Variants in CPVL observed in about 807,000 individuals in gnomAD.
CPVL encodes probable serine carboxypeptidase CPVL.
In CPVL, 51 loss-of-function variants were observed where a neutral mutation model predicts 63.7. The observed-to-expected ratio is 0.80, with a 90% CI of 0.64 to 1.01. CPVL has a LOEUF of 1.01. CPVL is among the 50% of genes least tolerant of loss of function. The pLI, the probability that CPVL is intolerant of heterozygous loss-of-function variation, is 0.00. For missense variants in CPVL, 530 were observed against 573.1 expected, an observed-to-expected ratio of 0.92 and a Z score of 0.77; for synonymous variants, 195 against 206.0, an observed-to-expected ratio of 0.95 and a Z score of 0.46.
intron 12 of CPVL, 130 bp downstream of exon 12, chr7:29,030,447 C>A: frequency 2.4e-6 from 2 of 834,548 alleles, no homozygotes; most frequent in Non-Finnish European, 3.8e-6. Flanking sequence ...GAAAGTAGGG[C>A]CACAGAAGAC....
chr7:29,029,795 G>C (rs1458342875), intron 12 of CPVL, among the ~76,000 whole-genome samples: 1 of 152,134 alleles, frequency 6.6e-6, no homozygotes, highest in Non-Finnish European at 1.5e-5. Context: ...GGCTAGAAGA[G>C]ATTTGAAATG....
chr7:29,087,435 A>G (rs947904093), intron 6 of CPVL, among the ~76,000 whole-genome samples: 11 of 151,816 alleles, frequency 7.2e-5, no homozygotes, highest in Admixed American at 2.0e-4. Flanking sequence ...AAAAAAAAAA[A>G]AAAAAAAAAG....
chr7:29,142,483 C>T (rs245869), intron 1 of CPVL, among the ~76,000 whole-genome samples: 61,941 of 150,204 alleles, frequency 0.41, 12,838 homozygotes, highest in South Asian at 0.5. Context: ...TATAACAGGA[C>T]GTCATCATTC....
chr7:29,183,405 CTTGCTCTG>C (rs1324928205), intron 4 of CPVL, among the ~76,000 whole-genome samples: 3 of 141,632 alleles, frequency 2.1e-5, no homozygotes, highest in Admixed American at 7.2e-5. Flanking sequence ...GAGACAGGGT[CTTGCTCTG>C]TTGCCCAGGC....
intron 2 of CPVL, among the ~76,000 whole-genome samples, chr7:29,115,723 G>C (rs569542079): frequency 1.3e-5 from 2 of 151,450 alleles, no homozygotes; most frequent in South Asian, 4.2e-4. Context: ...TAAATGGGAA[G>C]AAGAGGATTT....
intron 12 of CPVL, among the ~76,000 whole-genome samples, chr7:29,000,111 G>T (rs1382845865): frequency 1.3e-5 from 2 of 152,092 alleles, no homozygotes; most frequent in Non-Finnish European, 2.9e-5. Context: ...GTTCCAGGGG[G>T]TCACAAATGT....
At chr7:29,102,630 T>A (rs565000007) in intron 3 of CPVL, among the ~76,000 whole-genome samples, 56 of 152,212 alleles carry the variant, frequency 3.7e-4, no homozygotes, top group African/African-American at 1.3e-3. Flanking sequence ...GTGAGAAGTC[T>A]CCCTAGCAAC....
chr7:29,088,672 GAAGC>G (rs879427824), intron 6 of CPVL, among the ~76,000 whole-genome samples: 4 of 152,126 alleles, frequency 2.6e-5, no homozygotes, highest in Non-Finnish European at 5.9e-5. Flanking sequence ...ACAAATTTTA[GAAGC>G]AGATCTGCTA....
rs770831396 is a variant in CPVL, at chr7:29,066,063, A to T, written c.923T>A (p.Val308Asp). 14 of 1,609,772 alleles carry T rather than the reference A, an allele frequency of 8.7e-6. No homozygotes were observed. The highest frequency in any genetic ancestry group is 1.3e-5 in the African/African-American group (1 of 74,802). The change falls in exon 10 of 13, where the codon GTT (valine) becomes GAT (aspartate). Residue 308 changes from valine to aspartate, a missense_variant. Val to Asp is a radical substitution (Grantham distance 152). Coordinates refer to ENST00000265394, the MANE Select transcript of CPVL (RefSeq NM_031311.5). ...GTTATAGTAATTACTACATCCTGTA[A>T]CATTCTGGAAGTAAGAAGGATCACT... ...LTSDPSYFQN[V>D]TGCSNYYNFL...
At chr7:29,116,744 T>C (rs1267546325) in intron 2 of CPVL, among the ~76,000 whole-genome samples, 1 of 152,238 alleles carries the variant, frequency 6.6e-6, no homozygotes, top group Non-Finnish European at 1.5e-5. Flanking sequence ...CAAGCTAAAA[T>C]GTGCCTCCTA....
At chr7:29,120,136 C>T (rs942906108) in intron 2 of CPVL, among the ~76,000 whole-genome samples, 1 of 152,170 alleles carries the variant, frequency 6.6e-6, no homozygotes, top group Non-Finnish European at 1.5e-5. Context: ...TAATATTTGA[C>T]ATAGGCTGGG....
At chr7:29,111,270 G>C (rs1268545752) in intron 3 of CPVL, among the ~76,000 whole-genome samples, 1 of 152,214 alleles carries the variant, frequency 6.6e-6, no homozygotes, top group Non-Finnish European at 1.5e-5. Context: ...AAGTTTAAGA[G>C]ACTGGGAAGG....
At chr7:29,007,025 G>A (rs1270976152) in intron 12 of CPVL, among the ~76,000 whole-genome samples, 1 of 152,096 alleles carries the variant, frequency 6.6e-6, no homozygotes, top group Non-Finnish European at 1.5e-5. Flanking sequence ...TTCCCTCTTT[G>A]TTCCTCAAAT....
chr7:29,190,203 A>C (rs1782713441), intron 1 of CPVL, among the ~76,000 whole-genome samples: 1 of 152,244 alleles, frequency 6.6e-6, no homozygotes, highest in Non-Finnish European at 1.5e-5. Context: ...TCACTACAGC[A>C]AAAGAGCATT....
intron 5 of CPVL, among the ~76,000 whole-genome samples, chr7:29,174,599 C>A (rs537036344): frequency 6.6e-6 from 1 of 152,146 alleles, no homozygotes; most frequent in East Asian, 1.9e-4. Context: ...CAGTGACTCA[C>A]GCCTGTAATC....
intron 1 of CPVL, among the ~76,000 whole-genome samples, chr7:29,135,750 G>A (rs1334035838): frequency 6.6e-6 from 1 of 152,142 alleles, no homozygotes; most frequent in East Asian, 1.9e-4. Context: ...TGCAGTGGCA[G>A]TACAATGCTG....
chr7:29,053,024 A>C (rs1270004138), intron 11 of CPVL, among the ~76,000 whole-genome samples: 1 of 152,230 alleles, frequency 6.6e-6, no homozygotes, highest in Non-Finnish European at 1.5e-5. Flanking sequence ...TCTCCAAAAA[A>C]CATAAAAATG....
At chr7:29,017,201 C>T (rs1462082759) in intron 12 of CPVL, among the ~76,000 whole-genome samples, 2 of 152,336 alleles carry the variant, frequency 1.3e-5, no homozygotes, top group East Asian at 3.9e-4. Context: ...ATCCATGACA[C>T]TGCCCACCAT....
rs1273751621 is a variant in CPVL, at chr7:29,146,465, G to C, written c.-47C>G. ...GGTGCTCCTCCCTGAGCCGCGGCGC[G>C]CAAGGACCCCAGCCGGTTGTCCTTG... On this transcript the variant is annotated 5_prime_UTR_variant, in exon 1 of 13. Coordinates refer to ENST00000265394, the MANE Select transcript of CPVL (RefSeq NM_031311.5). 5 of 1,404,632 alleles carry C rather than the reference G, an allele frequency of 3.6e-6. No homozygotes were observed. The highest frequency in any genetic ancestry group is 4.7e-6 in the Non-Finnish European group (5 of 1,066,866). The allele number at this position is 1,404,632 out of a possible 1,614,324, so 87.0% of individuals were successfully genotyped here.
Sources: allele counts gnomAD v4.1 joint callset (sites outside exome capture counted in the v4.1 genomes callset), GRCh38; gene constraint gnomAD v4.1.1; transcripts MANE v1.5; gene names NCBI Gene and HGNC (gene_info 2026-07-23, HGNC 2026-07-21).